The following SDK1 variants were observed in gnomAD, a reference collection of about 807,000 sequenced individuals.
The protein encoded by SDK1 is sidekick cell adhesion molecule 1.
A neutral mutation model predicts 245.5 loss-of-function variants in SDK1; 157 were observed. That is an observed-to-expected ratio of 0.64 (90% CI 0.56 to 0.73). The LOEUF (loss-of-function observed/expected upper bound fraction) is 0.73, where lower values mean the gene tolerates loss of function less well. SDK1 is among the 30% of genes least tolerant of loss of function. The pLI is 0.00. For synonymous variants in SDK1, 1,647 were observed against 1,278.5 expected, an observed-to-expected ratio of 1.29 and a Z score of -6.15; for missense variants, 3,583 against 3,002.3, an observed-to-expected ratio of 1.19 and a Z score of -4.52.
chr7:3,691,685 A>G (rs1784440318), intron 4 of SDK1, among the ~76,000 whole-genome samples: 1 of 152,256 alleles, frequency 6.6e-6, no homozygotes, highest in Non-Finnish European at 1.5e-5. Context: ...CAGCACCAAC[A>G]CAAACACACA....
Position 3,756,020 on chromosome 7 carries a change from C to G in SDK1, c.714-65430C>G, listed in dbSNP as rs993367996. Among the ~76,000 whole-genome samples, 8 of 151,294 alleles carry G rather than the reference C, an allele frequency of 5.3e-5. No individual in the cohort carries two copies. The South Asian group carries it at 1.5e-3, about 28-fold the overall frequency. ...TTGATGTTTTGACCCTGACTCCTTT[C>G]ACATGGCATAGCACATGTGACATAT... On this transcript the variant is annotated intron_variant, in intron 4 of 44. Coordinates refer to ENST00000404826, the MANE Select transcript of SDK1 (RefSeq NM_152744.4).
In SDK1 at chr7:3,571,658, C is replaced by A. The variant is rs138534310; in HGVS notation, c.299-47422C>A. On this transcript the variant is annotated intron_variant, in intron 1 of 44. Coordinates refer to ENST00000404826, the MANE Select transcript of SDK1 (RefSeq NM_152744.4). The stretch of plus-strand genomic sequence containing the variant: ...TCTAAGGGAATTCAAAGCTCCACAT[C>A]TTTTAACGATTATTACTATTTGATC... 3.6e-3 allele frequency among the ~76,000 whole-genome samples: 553 copies of A among 152,176 alleles called. 11 individuals carry two copies. In the Middle Eastern group the frequency reaches 0.038, roughly 10 times the overall value.
At chr7:4,250,759 T>TAA (rs1787242159) in intron 44 of SDK1, among the ~76,000 whole-genome samples, 1 of 152,224 alleles carries the variant, frequency 6.6e-6, no homozygotes, top group African/African-American at 2.4e-5. Flanking sequence ...AACCCCACTC[T>TAA]AGTCAGAATC....
intron 1 of SDK1, among the ~76,000 whole-genome samples, chr7:3,434,888 C>T (rs540814499): frequency 6.6e-6 from 1 of 152,090 alleles, no homozygotes; most frequent in Non-Finnish European, 1.5e-5. Flanking sequence ...TTAGAATTGG[C>T]CATTTCATCG....
At chr7:3,397,052 T>C (rs1244803574) in intron 1 of SDK1, among the ~76,000 whole-genome samples, 1 of 151,852 alleles carries the variant, frequency 6.6e-6, no homozygotes, top group Non-Finnish European at 1.5e-5. Context: ...CTGGGGATCA[T>C]AACAAATAAC....
At chr7:4,117,147 T>A (rs927553768) in intron 25 of SDK1, among the ~76,000 whole-genome samples, 1 of 152,180 alleles carries the variant, frequency 6.6e-6, no homozygotes, top group African/African-American at 2.4e-5. Context: ...CAACAAAAAC[T>A]TATGGATAAA....
chr7:3,727,077 T>G (rs1346983885), intron 4 of SDK1, among the ~76,000 whole-genome samples: 3 of 152,240 alleles, frequency 2.0e-5, no homozygotes, highest in Non-Finnish European at 4.4e-5. Flanking sequence ...CATGACATGC[T>G]TCTGATAAGA....
intron 1 of SDK1, among the ~76,000 whole-genome samples, chr7:3,504,633 A>C (rs1006809463): frequency 6.6e-6 from 1 of 152,172 alleles, no homozygotes; most frequent in African/African-American, 2.4e-5. Context: ...TTAGATCCCT[A>C]CCTCACAGCA....
At chr7:3,470,023 A>C (rs1180624653) in intron 1 of SDK1, among the ~76,000 whole-genome samples, 1 of 152,092 alleles carries the variant, frequency 6.6e-6, no homozygotes, top group African/African-American at 2.4e-5. Context: ...GCCAGAAGCA[A>C]CTGCTTTTCT....
chr7:4,126,832 G>A (rs1784420660), intron 25 of SDK1, among the ~76,000 whole-genome samples: 1 of 152,204 alleles, frequency 6.6e-6, no homozygotes, highest in South Asian at 2.1e-4. Context: ...TTTCTGATCG[G>A]TAGAAAAGGG....
intron 1 of SDK1, among the ~76,000 whole-genome samples, chr7:3,603,889 G>C (rs1207465988): frequency 1.3e-5 from 2 of 152,194 alleles, no homozygotes; most frequent in African/African-American, 4.8e-5. Flanking sequence ...GTTTTAACAT[G>C]AATGGTTGTT....
chr7:3,623,887 A>G (rs1366943005), intron 2 of SDK1, among the ~76,000 whole-genome samples: 1 of 152,238 alleles, frequency 6.6e-6, no homozygotes, highest in Non-Finnish European at 1.5e-5. Context: ...CTATGACAAT[A>G]TAAAAATAGA....
intron 14 of SDK1, among the ~76,000 whole-genome samples, chr7:3,997,430 G>A (rs1784764918): frequency 6.6e-6 from 1 of 151,956 alleles, no homozygotes; most frequent in African/African-American, 2.4e-5. Context: ...ATACACCTCT[G>A]CTGGCAGCTC....
At chr7:4,237,204 T>C (rs542145498) in intron 41 of SDK1, among the ~76,000 whole-genome samples, 5 of 152,188 alleles carry the variant, frequency 3.3e-5, no homozygotes, top group Non-Finnish European at 7.4e-5. Context: ...TTTTTTGTTT[T>C]GTTTTGTTTT....
intron 23 of SDK1, among the ~76,000 whole-genome samples, chr7:4,111,488 G>A (rs537548235): frequency 6.6e-5 from 10 of 151,854 alleles, no homozygotes; most frequent in Admixed American, 5.9e-4. Context: ...ACATCTTTAT[G>A]AAGAATTTTT....
chr7:3,409,877 C>T (rs1041426824), intron 1 of SDK1, among the ~76,000 whole-genome samples: 10 of 151,974 alleles, frequency 6.6e-5, no homozygotes, highest in South Asian at 2.1e-4. Flanking sequence ...AGCGAATGAG[C>T]GTATATATTT....
intron 4 of SDK1, among the ~76,000 whole-genome samples, chr7:3,806,913 G>C (rs1410558598): frequency 6.6e-6 from 1 of 152,018 alleles, no homozygotes; most frequent in Non-Finnish European, 1.5e-5. Flanking sequence ...TTTGCTTCCT[G>C]CCTGTATCTT....
At chr7:3,499,835 C>G (rs1216734719) in intron 1 of SDK1, among the ~76,000 whole-genome samples, 1 of 152,156 alleles carries the variant, frequency 6.6e-6, no homozygotes, top group African/African-American at 2.4e-5. Context: ...GTCCGAACAA[C>G]TAACAGGGCT....
intron 41 of SDK1, among the ~76,000 whole-genome samples, chr7:4,234,621 C>G (rs890266311): frequency 3.3e-5 from 5 of 152,184 alleles, no homozygotes; most frequent in Admixed American, 6.5e-5. Flanking sequence ...CCCAGCCCCC[C>G]ATGTGCCTGT....
Sources: allele counts gnomAD v4.1 joint callset (sites outside exome capture counted in the v4.1 genomes callset), GRCh38; gene constraint gnomAD v4.1.1; transcripts MANE v1.5; gene names NCBI Gene and HGNC (gene_info 2026-07-23, HGNC 2026-07-21).